The following CAPN14 variants were observed in gnomAD, a reference collection of about 807,000 sequenced individuals.
The protein encoded by CAPN14 is calpain-14.
CAPN14 carries 94 observed loss-of-function variants against 101.3 expected under a neutral mutation model. That is an observed-to-expected ratio of 0.93 (90% confidence interval 0.79 to 1.10). CAPN14 has a LOEUF of 1.10. Among genes scored for constraint, CAPN14 ranks in the 50% least tolerant of loss-of-function variants. The pLI, the probability that CAPN14 is intolerant of heterozygous loss-of-function variation, is 0.00. For synonymous variants in CAPN14, 338 were observed against 317.9 expected, an observed-to-expected ratio of 1.06 and a Z score of -0.67; for missense variants, 837 against 828.4, an observed-to-expected ratio of 1.01 and a Z score of -0.13.
At position 31,202,170 on chromosome 2, in the gene CAPN14, ACT is replaced by A. The variant is rs764467719; in HGVS notation, c.376_377del (p.Ser126PhefsTer3). The A allele has an allele frequency of 3.5e-4, 538 of 1,551,618 alleles. 1 individual carries two copies. Among genetic ancestry groups the A allele is most frequent in the Non-Finnish European group, 4.6e-4 (525 of 1,146,998 alleles). ...AGATGCCAGCATACTTCTCAGTGAAACTCTGATTCAGGGGAACAACCCGGCTC... is the reference window on the plus strand; with the variant it reads ...AGATGCCAGCATACTTCTCAGTGAAACTGATTCAGGGGAACAACCCGGCTC... The part of the protein sequence containing the change: ...ILSRVVPLNQ[S>X]FTEKYAGIFR... On this transcript the variant is annotated frameshift_variant, in exon 4 of 22. Transcript: ENST00000403897. LOFTEE classifies it high-confidence loss of function.
rs1682017734 is a variant in CAPN14 at position 31,205,326 on chromosome 2, C to T, written c.122G>A (p.Gly41Asp). Residue 41 changes from glycine to aspartate, a missense_variant, in exon 2 of 22, where the codon GGC (glycine) becomes GAC (aspartate). Coordinates refer to ENST00000403897, the MANE Select transcript of CAPN14 (RefSeq NM_001145122.2). ...GAAGCTGGTGTCTTCAAAGAGGCAG[C>T]CATTCCTCAGGCACTCTGCCAGCAG... The part of the protein sequence containing the change: ...EALLAECLRN[G>D]CLFEDTSFPA... The T allele has an allele frequency of 6.4e-7, 1 of 1,550,904 alleles. No homozygotes were observed. The highest frequency in any genetic ancestry group is 2.0e-5 in the Admixed American group (1 of 50,972).
intron 12 of CAPN14, among the ~76,000 whole-genome samples, chr2:31,190,737 C>T (rs949665009): frequency 3.9e-5 from 6 of 152,166 alleles, no homozygotes; most frequent in African/African-American, 9.7e-5. Flanking sequence ...AAAGACCCTG[C>T]GTAAAATGGT....
intron 9 of CAPN14, among the ~76,000 whole-genome samples, chr2:31,193,717 G>A (rs373068687): frequency 1.3e-5 from 2 of 152,184 alleles, no homozygotes; most frequent in Non-Finnish European, 2.9e-5. Flanking sequence ...TGTGGCCTGC[G>A]ACACTCTATT....
At chr2:31,181,082 C>A in intron 16 of CAPN14, 82 bp from the exon 17 acceptor site, 2 of 1,092,424 alleles carry the variant, frequency 1.8e-6, no homozygotes, top group Non-Finnish European at 2.7e-6. Context: ...GGCAGTGCTG[C>A]ATGGGCCAGC....
upstream of CAPN14, among the ~76,000 whole-genome samples, chr2:31,218,616 T>C (rs781117886): frequency 3.3e-5 from 5 of 152,248 alleles, no homozygotes; most frequent in African/African-American, 7.2e-5. Flanking sequence ...GCACATTGCA[T>C]GCAGAATCTC....
intron 18 of CAPN14, among the ~76,000 whole-genome samples, 163 bp downstream of exon 18, chr2:31,178,348 T>A (rs1231479517): frequency 2.6e-5 from 4 of 152,182 alleles, no homozygotes; most frequent in African/African-American, 9.7e-5. Context: ...CTCTCTGAGT[T>A]TGGAAGAGAC....
At chr2:31,202,344 C>A in intron 3 of CAPN14, 92 bp from the exon 4 acceptor site, 1 of 905,782 alleles carries the variant, frequency 1.1e-6, no homozygotes, top group South Asian at 1.5e-5. Flanking sequence ...CCTCTCTGGG[C>A]TTGTAGCCCA....
At chr2:31,205,191 AGGAGGGTCT>A (rs1382743127) in intron 2 of CAPN14, 23 bp downstream of exon 2, 10 of 1,531,192 alleles carry the variant, frequency 6.5e-6, no homozygotes, top group Non-Finnish European at 8.8e-6. Flanking sequence ...ACCCTGGGGA[AGGAGGGTCT>A]GGGCTGACAC....
At chr2:31,176,350 T>C (rs1379321654) in intron 21 of CAPN14, among the ~76,000 whole-genome samples, 1 of 152,270 alleles carries the variant, frequency 6.6e-6, no homozygotes, top group African/African-American at 2.4e-5. Context: ...CATGGCATTA[T>C]TGCAATCAGA....
chr2:31,219,447 G>A (rs1006238458), upstream of CAPN14, among the ~76,000 whole-genome samples: 1 of 152,214 alleles, frequency 6.6e-6, no homozygotes, highest in African/African-American at 2.4e-5. Context: ...TCTCTGCAAG[G>A]CACAGGCAAT....
At position 31,176,548 on chromosome 2, in the gene CAPN14, G is replaced by C. The variant is rs7556787; in HGVS notation, c.2028+39C>G. ...ATGGTCCCGCAAGGGCCACCTCTAC[G>C]TAAGATGACATGAGCCACCTCCTTG... On this transcript the variant is annotated intron_variant, in intron 21 of 21. Coordinates refer to ENST00000403897, the MANE Select transcript of CAPN14 (RefSeq NM_001145122.2). The C allele has an allele frequency of 0.26, 390,592 of 1,517,524 alleles. 55,670 individuals carry two copies. The highest frequency in any genetic ancestry group is 0.55 in the African/African-American group (40,158 of 72,488). The allele number at this position is 1,517,524 out of a possible 1,614,324, so 94.0% of individuals were successfully genotyped here. A position where few individuals can be genotyped will look rare whatever the true frequency, so the allele number is the denominator to read the frequency against.
chr2:31,194,631 T>C (rs935151667), intron 8 of CAPN14, 148 bp from the exon 9 acceptor site: 7 of 612,492 alleles, frequency 1.1e-5, no homozygotes, highest in South Asian at 6.0e-5. Flanking sequence ...AGCATGAACA[T>C]GAATTGATAG....
chr2:31,204,679 G>C (rs1681978669), intron 2 of CAPN14, among the ~76,000 whole-genome samples: 1 of 152,182 alleles, frequency 6.6e-6, no homozygotes, highest in Non-Finnish European at 1.5e-5. Context: ...CACAACCAGG[G>C]AGGGCATGAG....
At chr2:31,195,458 T>G (rs895581065) in intron 8 of CAPN14, among the ~76,000 whole-genome samples, 15 of 152,286 alleles carry the variant, frequency 9.8e-5, no homozygotes, top group African/African-American at 3.4e-4. Flanking sequence ...TGCCTCAGCC[T>G]CCCAAACAGC....
intron 1 of CAPN14, among the ~76,000 whole-genome samples, chr2:31,232,192 GCT>G (rs1042480193): frequency 6.6e-6 from 1 of 152,128 alleles, no homozygotes; most frequent in African/African-American, 2.4e-5. Flanking sequence ...TGCTAAATCA[GCT>G]CTCTCTCTGC....
intron 9 of CAPN14, among the ~76,000 whole-genome samples, 172 bp downstream of exon 9, chr2:31,194,237 G>A (rs954513678): frequency 4.6e-5 from 7 of 152,180 alleles, no homozygotes; most frequent in Admixed American, 2.0e-4. Context: ...GACAGTGACC[G>A]TTTATTTACA....
chr2:31,195,766 A>C (rs547334031), intron 8 of CAPN14, among the ~76,000 whole-genome samples: 54 of 152,332 alleles, frequency 3.5e-4, no homozygotes, highest in African/African-American at 1.3e-3. Flanking sequence ...AAAAACTTCA[A>C]AGTATCAAAA....
chr2:31,231,316 T>C (rs140398919), intron 1 of CAPN14, among the ~76,000 whole-genome samples: 1 of 152,362 alleles, frequency 6.6e-6, no homozygotes, highest in African/African-American at 2.4e-5. Flanking sequence ...TTATCAATCA[T>C]GTTGTAAAGA....
At chr2:31,207,755 G>A (rs528528135) in intron 1 of CAPN14, among the ~76,000 whole-genome samples, 1 of 152,272 alleles carries the variant, frequency 6.6e-6, no homozygotes, top group South Asian at 2.1e-4. Flanking sequence ...AGCAGAGCAA[G>A]ACTCTGTCTC....
Sources: gnomAD v4.1 joint callset for allele counts (sites outside exome capture counted in the v4.1 genomes callset) on GRCh38, gnomAD v4.1.1 for gene constraint, MANE v1.5 for transcripts, NCBI Gene and HGNC (gene_info 2026-07-23, HGNC 2026-07-21) for gene names.